HEXB: variants seen among roughly 807,000 people sequenced by gnomAD.
HEXB encodes beta-hexosaminidase subunit beta.
HEXB carries 51 observed loss-of-function variants against 71.2 expected under a neutral mutation model. The ratio of observed to expected loss-of-function variants is 0.72; its 90% CI spans 0.57 to 0.90. The LOEUF is 0.90. Ranked by LOEUF, HEXB falls within the 40% of genes least tolerant of loss-of-function variation. HEXB has a pLI of 0.00. For synonymous variants in HEXB, 266 were observed against 249.3 expected, an observed-to-expected ratio of 1.07 and a Z score of -0.63; for missense variants, 617 against 677.0, an observed-to-expected ratio of 0.91 and a Z score of 0.98.
intron 1 of HEXB, among the ~76,000 whole-genome samples, chr5:74,643,585 T>C (rs1297110249): frequency 1.3e-5 from 2 of 152,226 alleles, no homozygotes; most frequent in Admixed American, 1.3e-4. Flanking sequence ...ATTAAGAAGC[T>C]GTGCCCAAGG....
rs780330079 is a variant in HEXB, at chr5:74,718,830, G to T, written c.1276G>T (p.Asp426Tyr). The T allele has an allele frequency of 1.2e-6, 2 of 1,614,154 alleles. No homozygotes were observed. The highest frequency in any genetic ancestry group is 2.2e-5 in the South Asian group (2 of 91,082). Reference protein sequence around the residue: ...APGTIVEVWKDSAYPEELSRV... With the variant: ...APGTIVEVWKYSAYPEELSRV... ...GGGCACAATAGTTGAAGTATGGAAA[G>T]ACAGCGCATATCCTGAGGAACTCAG... The change falls in exon 11 of 14, where the codon GAC becomes TAC. Residue 426 changes from aspartate (D) to tyrosine (Y), a missense_variant. Transcript: ENST00000261416.
Position 74,641,477 on chromosome 5 carries a change from G to C in HEXB, c.-377+919G>C, listed in dbSNP as rs1484265521. ...GCCGGGGCGCAGTCCTGCGGGGCGC[G>C]CACCACGTGCTTTTCAGCCAATCGC... On this transcript the variant is annotated intron_variant, in intron 1 of 13. Coordinates refer to the HEXB transcript ENST00000511181. The surrounding 1 kb of genome is among the most constrained non-coding windows in gnomAD (Gnocchi z 4.1). 2.0e-5 allele frequency: 3 copies of C among 152,350 alleles called. No homozygotes were observed. Among genetic ancestry groups the C allele is most frequent in the African/African-American group, 7.2e-5 (3 of 41,474 alleles). The allele number at this position is 152,350 out of a possible 1,614,324, so 9.4% of individuals were successfully genotyped here.
At position 74,663,260 on chromosome 5, in the gene HEXB, G is replaced by A. The variant is rs548886701; in HGVS notation, c.-377+22702G>A. ...GGCTGGAATGCAATGGTGCGATCTC[G>A]ACTCACTGCAACCTCCACCTCCCAA... On this transcript the variant is annotated intron_variant, in intron 1 of 13. Coordinates refer to the HEXB transcript ENST00000511181. Among the ~76,000 whole-genome samples the A allele has an allele frequency of 3.9e-5, 6 of 152,078 alleles. No individual in the cohort carries two copies. The South Asian group carries it at 1.0e-3, about 26-fold the overall frequency.
At position 74,685,253 on chromosome 5, in the gene HEXB, G is replaced by A; in HGVS notation, c.-8G>A. On this transcript the variant is annotated 5_prime_UTR_variant, in exon 1 of 14. Transcript: ENST00000261416. ...TCGGCAGACCGGGCGGAAAGCAGCC[G>A]AGCGGCCATGGAGCTGTGCGGGCTG... The A allele has an allele frequency of 3.3e-6, 5 of 1,503,078 alleles. No homozygotes were observed. Among genetic ancestry groups the A allele is most frequent in the Non-Finnish European group, 4.4e-6 (5 of 1,132,960 alleles). The allele number at this position is 1,503,078 out of a possible 1,614,324, so 93.1% of individuals were successfully genotyped here. A position where few individuals can be genotyped will look rare whatever the true frequency, so the allele number is the denominator to read the frequency against.
chr5:74,659,509 G>A (rs558739524), intron 1 of HEXB, among the ~76,000 whole-genome samples: 25 of 152,288 alleles, frequency 1.6e-4, no homozygotes, highest in Admixed American at 1.3e-3. Context: ...AGTGAAATAT[G>A]AGTCAGTTAG....
At chr5:74,681,363 G>T (rs1161214303), upstream of HEXB, among the ~76,000 whole-genome samples, 4 of 152,122 alleles carry the variant, frequency 2.6e-5, no homozygotes, top group African/African-American at 9.7e-5. Flanking sequence ...GCACAGGACA[G>T]CTCCCCAGAA....
At chr5:74,661,411 T>A (rs1225931714) in intron 1 of HEXB, among the ~76,000 whole-genome samples, 1 of 152,200 alleles carries the variant, frequency 6.6e-6, no homozygotes, top group African/African-American at 2.4e-5. Context: ...CTGAACAGCA[T>A]GACTCATATT....
intron 6 of HEXB, among the ~76,000 whole-genome samples, chr5:74,712,109 T>G (rs1230575786): frequency 1.5e-4 from 21 of 142,574 alleles, no homozygotes; most frequent in South Asian, 2.3e-4. Context: ...CCATAAAAAA[T>G]GATGAGTTCA....
At chr5:74,665,414 C>CTG (rs34012729) in intron 1 of HEXB, among the ~76,000 whole-genome samples, 7,023 of 150,122 alleles carry the variant, frequency 0.047, 370 homozygotes, top group African/African-American at 0.13. Flanking sequence ...ACACTTTTCT[C>CTG]TGTGTGTGTG....
chr5:74,702,552 AT>A (rs1749289315), intron 5 of HEXB, among the ~76,000 whole-genome samples: 1 of 152,118 alleles, frequency 6.6e-6, no homozygotes, highest in Admixed American at 6.5e-5. Context: ...ACAATGTCTT[AT>A]TTATTTCATT....
intron 2 of HEXB, chr5:74,689,842 A>G (rs151164682): frequency 1.9e-5 from 4 of 209,694 alleles, no homozygotes; most frequent in Non-Finnish European, 2.9e-5. Flanking sequence ...TGCTTCTTGT[A>G]TTTTTGTTGT....
At chr5:74,680,241 G>A (rs540752630), upstream of HEXB, among the ~76,000 whole-genome samples, 10 of 152,316 alleles carry the variant, frequency 6.6e-5, no homozygotes, top group South Asian at 2.1e-3. Flanking sequence ...CTTTGAATCC[G>A]GATCAAGGAA....
At position 74,697,007 on chromosome 5, in the gene HEXB, T is replaced by C. The variant is rs1320498140; in HGVS notation, c.570T>C (p.Asn190=). 2 of 1,550,210 alleles carry C rather than the reference T, an allele frequency of 1.3e-6. No homozygotes were observed. Among genetic ancestry groups the C allele is most frequent in the South Asian group, 2.2e-5 (2 of 89,934 alleles). ...YQDSYGTFTI[N]ESTIIDSPRF... ...TTATTTTGTCATAGTTCACCATCAA[T>C]GAATCCACCATTATTGATTCTCCAA... Residue 190 remains asparagine, a synonymous_variant, in exon 5 of 14, where the codon AAT becomes AAC. Transcript: ENST00000261416.
intron 1 of HEXB, among the ~76,000 whole-genome samples, chr5:74,642,930 G>GA (rs949045702): frequency 1.3e-5 from 2 of 152,064 alleles, no homozygotes; most frequent in Non-Finnish European, 1.5e-5. Flanking sequence ...AGAAGAAAGG[G>GA]AAAAAAAGCT....
chr5:74,719,349 C>G (rs1027557480), intron 11 of HEXB, among the ~76,000 whole-genome samples: 4 of 152,098 alleles, frequency 2.6e-5, no homozygotes, highest in Non-Finnish European at 5.9e-5. Context: ...GACACCTAAG[C>G]AAAGCTATAG....
rs559100615 is a variant in HEXB at position 74,652,978 on chromosome 5, A to G, written c.-377+12420A>G. Reference sequence around the variant, plus strand: ...ATGGAATTTATAGATAATAGACTCTATTGAATATAACTTCAAAAAACTTTA... The same window carrying G: ...ATGGAATTTATAGATAATAGACTCTGTTGAATATAACTTCAAAAAACTTTA... On this transcript the variant is annotated intron_variant, in intron 1 of 13. Transcript: ENST00000511181. This position sits in a 1 kb window ranked among gnomAD's most constrained non-coding sequence, Gnocchi z 5.4. Among the ~76,000 whole-genome samples, 3 of 152,356 alleles carry G rather than the reference A, an allele frequency of 2.0e-5. No individual in the cohort carries two copies. The East Asian group carries it at 5.8e-4, about 29-fold the overall frequency.
In HEXB at chr5:74,718,854, A is replaced by G. The variant is rs1256983235; in HGVS notation, c.1300A>G (p.Ser434Gly). ...WKDSAYPEEL[S>G]RVTASGFPVI... ...AGACAGCGCATATCCTGAGGAACTC[A>G]GTAGAGTCACAGCATCTGGCTTCCC... Residue 434 changes from serine to glycine, a missense_variant, in exon 11 of 14, where the codon AGT becomes GGT. Ser to Gly is a moderately conservative substitution (Grantham distance 56). Transcript: ENST00000261416. 1 of 1,614,076 alleles carries G rather than the reference A, an allele frequency of 6.2e-7. No homozygotes were observed. The highest frequency in any genetic ancestry group is 1.3e-5 in the African/African-American group (1 of 74,944).
At chr5:74,674,189 A>C (rs1489620265) in intron 1 of HEXB, among the ~76,000 whole-genome samples, 1 of 152,210 alleles carries the variant, frequency 6.6e-6, no homozygotes, top group Non-Finnish European at 1.5e-5. Context: ...AGAAGGGTAC[A>C]TTTGACATTT....
intron 1 of HEXB, among the ~76,000 whole-genome samples, chr5:74,643,825 T>G (rs914763767): frequency 1.3e-5 from 2 of 152,220 alleles, no homozygotes; most frequent in Non-Finnish European, 2.9e-5. Flanking sequence ...GCTGCCATCC[T>G]GCCTCCGGTG....
Sources: allele counts gnomAD v4.1 joint callset (sites outside exome capture counted in the v4.1 genomes callset), GRCh38; gene constraint gnomAD v4.1.1; non-coding constraint Gnocchi (gnomAD v3.1); transcripts MANE v1.5; gene names NCBI Gene and HGNC (gene_info 2026-07-23, HGNC 2026-07-21).